The following PLEKHM3 variants were observed in gnomAD, a reference collection of about 807,000 sequenced individuals.
PLEKHM3 encodes the protein pleckstrin homology domain-containing family M member 3.
Under a neutral mutation model 81.8 loss-of-function variants are expected in PLEKHM3, and 45 were observed. That is an observed-to-expected ratio of 0.55 (90% CI 0.43 to 0.71). The LOEUF (loss-of-function observed/expected upper bound fraction) is 0.71, where lower values mean the gene tolerates loss of function less well. PLEKHM3 is among the 30% of genes least tolerant of loss of function. The pLI is 0.00. For missense variants in PLEKHM3, 788 were observed against 924.3 expected, an observed-to-expected ratio of 0.85 and a Z score of 1.91; for synonymous variants, 352 against 356.4, an observed-to-expected ratio of 0.99 and a Z score of 0.14.
intron 1 of PLEKHM3, among the ~76,000 whole-genome samples, chr2:208,004,613 C>A (rs1024290036): frequency 2.6e-5 from 4 of 152,070 alleles, no homozygotes; most frequent in African/African-American, 7.2e-5. Flanking sequence ...CTTTCATGCT[C>A]TTAAACTTGC....
At chr2:207,955,912 A>G (rs1210406714) in intron 3 of PLEKHM3, among the ~76,000 whole-genome samples, 2 of 152,238 alleles carry the variant, frequency 1.3e-5, no homozygotes, top group South Asian at 4.1e-4. Flanking sequence ...TAAAGTAAAC[A>G]GCAGAAGATA....
intron 2 of PLEKHM3, among the ~76,000 whole-genome samples, chr2:207,985,763 G>C (rs6713201): frequency 0.021 from 3,225 of 152,084 alleles, 122 homozygotes; most frequent in African/African-American, 0.073. Context: ...GAGGTGGGCG[G>C]ATCACAAGGT....
chr2:207,990,767 T>C (rs1267343179), intron 2 of PLEKHM3, among the ~76,000 whole-genome samples: 1 of 152,226 alleles, frequency 6.6e-6, no homozygotes, highest in Non-Finnish European at 1.5e-5. Context: ...ATATTTTTAT[T>C]AACAAATTTG....
At chr2:207,931,158 C>T in intron 4 of PLEKHM3, 39 bp from the exon 5 acceptor site, 2 of 1,548,198 alleles carry the variant, frequency 1.3e-6, no homozygotes, top group Non-Finnish European at 1.8e-6. Flanking sequence ...TGGAGAAGCA[C>T]CTGGCTCTCC....
At chr2:207,995,408 A>AT (rs1692087542) in intron 2 of PLEKHM3, among the ~76,000 whole-genome samples, 1 of 152,184 alleles carries the variant, frequency 6.6e-6, no homozygotes, top group African/African-American at 2.4e-5. Flanking sequence ...CTACCCCCAT[A>AT]GAGATTTACT....
chr2:207,894,688 T>A lies in PLEKHM3; in HGVS notation c.1950+13826A>T, dbSNP rs1050636056. On this transcript the variant is annotated intron_variant, in intron 6 of 7. Coordinates refer to ENST00000427836, the MANE Select transcript of PLEKHM3 (RefSeq NM_001080475.3). ...TTTAGTGGTTCAGAGTGTGTGCCCA[T>A]TTCTCTAAAGAAGGGAGTCCTTCCA... Among the ~76,000 whole-genome samples, 7 of 152,306 alleles carry A rather than the reference T, an allele frequency of 4.6e-5. No homozygotes were observed. In the South Asian group the frequency reaches 1.2e-3, roughly 27 times the overall value.
At position 207,840,617 on chromosome 2, in the gene PLEKHM3, A is replaced by G. The variant is rs115414020; in HGVS notation, c.2109-12121T>C. Among the ~76,000 whole-genome samples, 706 of 152,226 alleles carry G rather than the reference A, an allele frequency of 4.6e-3. 4 individuals carry two copies. Among genetic ancestry groups the G allele is most frequent in the African/African-American group, 0.017 (687 of 41,536 alleles). The stretch of plus-strand genomic sequence containing the variant: ...GTTCATGTAGTTTTTGGCCATTTGC[A>G]TATTCTTTCAGTAAATTGGTTCATG... On this transcript the variant is annotated intron_variant, in intron 7 of 7. Transcript: ENST00000427836.
At chr2:207,988,531 T>C (rs1691797691) in intron 2 of PLEKHM3, among the ~76,000 whole-genome samples, 2 of 152,322 alleles carry the variant, frequency 1.3e-5, no homozygotes, top group South Asian at 4.1e-4. Flanking sequence ...AACATTTTGC[T>C]TCCTTGCTAT....
rs773391482 is a variant in PLEKHM3 at position 207,977,404 on chromosome 2, T to C, written c.793A>G (p.Ile265Val). 1.9e-6 allele frequency: 3 copies of C among 1,614,200 alleles called. No individual in the cohort carries two copies. The highest frequency in any genetic ancestry group is 2.5e-6 in the Non-Finnish European group (3 of 1,180,032). ...GCCTCCAGGTTGCCTAAAACAGATATGCTCTGGAAGTGTGAAAGCTGGTAC... is the reference window on the plus strand; with the variant it reads ...GCCTCCAGGTTGCCTAAAACAGATACGCTCTGGAAGTGTGAAAGCTGGTAC... ...ATYQLSHFQSISVLGNLEARM... is the reference protein window; with the variant it reads ...ATYQLSHFQSVSVLGNLEARM... Residue 265 changes from isoleucine (I) to valine (V), a missense_variant, in exon 3 of 8, where the codon ATA becomes GTA. Physicochemically the swap from Ile to Val is conservative, Grantham distance 29. Transcript: ENST00000427836.
chr2:207,997,260 C>T (rs1692152125), intron 2 of PLEKHM3, among the ~76,000 whole-genome samples: 1 of 152,130 alleles, frequency 6.6e-6, no homozygotes, highest in Non-Finnish European at 1.5e-5. Flanking sequence ...CTTTATGCAC[C>T]CAAAGCAGCA....
At chr2:207,933,875 C>A (rs986569832) in intron 4 of PLEKHM3, among the ~76,000 whole-genome samples, 7 of 152,202 alleles carry the variant, frequency 4.6e-5, no homozygotes, top group African/African-American at 1.7e-4. Flanking sequence ...AAATCCCCAC[C>A]ACGTTCAGCC....
At chr2:207,941,194 C>A (rs1218446358) in intron 4 of PLEKHM3, among the ~76,000 whole-genome samples, 1 of 152,178 alleles carries the variant, frequency 6.6e-6, no homozygotes, top group Non-Finnish European at 1.5e-5. Context: ...GGCCCTTTCC[C>A]ACCTACTTGC....
Position 207,861,307 on chromosome 2 carries a change from A to G in PLEKHM3, c.1951-45T>C, listed in dbSNP as rs779854246. The G allele has an allele frequency of 4.4e-6, 7 of 1,591,584 alleles. No individual in the cohort carries two copies. The South Asian group carries it at 7.8e-5, about 18-fold the overall frequency. ...ACAGGGAAGCACATTTATTGAGAAC[A>G]GAAGTCTTGTACACACAGGAAAGGA... On this transcript the variant is annotated intron_variant, in intron 6 of 7. Transcript: ENST00000427836.
intron 3 of PLEKHM3, among the ~76,000 whole-genome samples, chr2:207,972,027 G>T (rs1398714793): frequency 6.6e-6 from 1 of 152,226 alleles, no homozygotes; most frequent in African/African-American, 2.4e-5. Flanking sequence ...TGTAGCAATT[G>T]TCACAGCTGC....
chr2:207,922,867 T>A (rs1176679184), intron 5 of PLEKHM3, among the ~76,000 whole-genome samples: 2 of 150,766 alleles, frequency 1.3e-5, no homozygotes, highest in Non-Finnish European at 2.9e-5. Context: ...GTGGTCCAGA[T>A]GATCACTGCT....
intron 5 of PLEKHM3, among the ~76,000 whole-genome samples, chr2:207,909,632 G>T (rs929267907): frequency 1.3e-5 from 2 of 152,174 alleles, no homozygotes; most frequent in South Asian, 2.1e-4. Context: ...CATATTTTTT[G>T]AGTAGTCTAA....
intron 3 of PLEKHM3, among the ~76,000 whole-genome samples, chr2:207,950,496 C>T (rs1357611181): frequency 6.6e-6 from 1 of 152,172 alleles, no homozygotes; most frequent in Non-Finnish European, 1.5e-5. Flanking sequence ...CCCTTCTTCC[C>T]ACTGAGATGA....
intron 2 of PLEKHM3, among the ~76,000 whole-genome samples, chr2:207,984,506 G>A (rs774323560): frequency 1.9e-4 from 29 of 151,744 alleles, no homozygotes; most frequent in Middle Eastern, 6.3e-3. Flanking sequence ...TCAGCCTCCC[G>A]AGTAGCTGGG....
intron 6 of PLEKHM3, among the ~76,000 whole-genome samples, chr2:207,882,279 C>T (rs1275516363): frequency 3.9e-5 from 6 of 152,064 alleles, no homozygotes; most frequent in Non-Finnish European, 8.8e-5. Flanking sequence ...GTTGTTCTTT[C>T]TTGTTTTCTC....
Sources: allele counts gnomAD v4.1 joint callset (sites outside exome capture counted in the v4.1 genomes callset), GRCh38; gene constraint gnomAD v4.1.1; transcripts MANE v1.5; gene names NCBI Gene and HGNC (gene_info 2026-07-23, HGNC 2026-07-21).